Variants in LINGO1 observed in about 807,000 individuals in gnomAD.
LINGO1 encodes leucine rich repeat and Ig domain containing 1, also known as leucine-rich repeat and immunoglobulin-like domain-containing nogo receptor-interacting protein 1.
In LINGO1, 11 loss-of-function variants were observed where a neutral mutation model predicts 37.3. That is an observed-to-expected ratio of 0.29 (90% confidence interval 0.19 to 0.49). The LOEUF is 0.49. Among genes scored for constraint, LINGO1 ranks in the 20% least tolerant of loss-of-function variants. The pLI, the probability that LINGO1 is intolerant of heterozygous loss-of-function variation, is 0.99. For synonymous variants in LINGO1, 387 were observed against 403.0 expected (o/e 0.96, Z 0.48); for missense variants, 585 against 878.2 (o/e 0.67, Z 4.22).
chr15:77,675,916 G>C (rs2075319685), intron 3 of LINGO1, among the ~76,000 whole-genome samples: 1 of 152,132 alleles, frequency 6.6e-6, no homozygotes. Context: ...AGTGCTCTGG[G>C]TTCCAAGCTC....
At chr15:77,732,818 G>A (rs571306025) in intron 2 of LINGO1, among the ~76,000 whole-genome samples, 3 of 152,190 alleles carry the variant, frequency 2.0e-5, no homozygotes, top group Non-Finnish European at 4.4e-5. Context: ...CCCCCAGCAC[G>A]CATGTTCAGG....
intron 2 of LINGO1, among the ~76,000 whole-genome samples, chr15:77,707,181 G>GGA (rs765340782): frequency 1.3e-5 from 2 of 152,190 alleles, no homozygotes; most frequent in Non-Finnish European, 2.9e-5. Context: ...TGATGCTCCA[G>GGA]GAGAGAGAGA....
At chr15:77,664,130 AGTGTGTGTGTGTGTGTGTGTGTGTGT>A (rs774494605) in intron 3 of LINGO1, among the ~76,000 whole-genome samples, 1 of 130,372 alleles carries the variant, frequency 7.7e-6, no homozygotes, top group Non-Finnish European at 1.6e-5. Flanking sequence ...ACACAGGAGC[AGTGTGTGTGTGTGTGTGTGTGTGTGT>A]GTGTGTGTGT....
rs1166646129 is a variant in LINGO1 at position 77,632,846 on chromosome 15, C to CGCTCCGGCTCCCGCGCCG, written c.-549_-532dup. 6.7e-6 allele frequency among the ~76,000 whole-genome samples: 1 copy of CGCTCCGGCTCCCGCGCCG among 149,502 alleles called. No homozygotes were observed. Among genetic ancestry groups the CGCTCCGGCTCCCGCGCCG allele is most frequent in the Admixed American group, 6.6e-5 (1 of 15,038 alleles). On this transcript the variant is annotated 5_prime_UTR_variant, in exon 1 of 2. Coordinates refer to ENST00000355300, the MANE Select transcript of LINGO1 (RefSeq NM_032808.7). The surrounding 1 kb of genome is among the most constrained non-coding windows in gnomAD (Gnocchi z 6.0). ...GCCGCCTGCGCTGTCGCCCGCCGCC[C>CGCTCCGGCTCCCGCGCCG]GCTCCGGCTCCCGCGCCGGCTCCCG...
intron 1 of LINGO1, among the ~76,000 whole-genome samples, chr15:77,797,598 C>T (rs1287135560): frequency 1.3e-5 from 2 of 152,240 alleles, no homozygotes; most frequent in Non-Finnish European, 2.9e-5. Context: ...AAGCTGGCAT[C>T]GAACCAGCAC....
At chr15:77,712,881 A>G in intron 2 of LINGO1, among the ~76,000 whole-genome samples, 1 of 152,166 alleles carries the variant, frequency 6.6e-6, no homozygotes, top group Non-Finnish European at 1.5e-5. Context: ...ATCCTCAGGA[A>G]TTCAGCTCCC....
chr15:77,778,896 C>T (rs2076687649), intron 1 of LINGO1, among the ~76,000 whole-genome samples: 1 of 152,184 alleles, frequency 6.6e-6, no homozygotes, highest in South Asian at 2.1e-4. Context: ...AGCCAAAGCC[C>T]TGAGAGCGAT....
In LINGO1 at chr15:77,640,733, A is replaced by G. The variant is rs1048958735; in HGVS notation, c.-12-24833T>C. ...GAGGAGTCCAGAGGAGGTGGAGCAA[A>G]CAGGAGAGGCTTCCTGGGGGAGGAG... On this transcript the variant is annotated intron_variant, in intron 3 of 3. Transcript: ENST00000559893. Among the ~76,000 whole-genome samples the G allele has an allele frequency of 3.3e-5, 5 of 152,170 alleles. No homozygotes were observed. In the East Asian group the frequency reaches 9.7e-4, roughly 29 times the overall value.
chr15:77,656,281 C>T (rs1301564525), intron 3 of LINGO1, among the ~76,000 whole-genome samples: 1 of 152,146 alleles, frequency 6.6e-6, no homozygotes, highest in Non-Finnish European at 1.5e-5. Flanking sequence ...CCCTTGCAGC[C>T]CCAGACAGCT....
Position 77,614,193 on chromosome 15 carries a change from C to T in LINGO1, c.1714G>A (p.Val572Ile). 2 of 1,613,964 alleles carry T rather than the reference C, an allele frequency of 1.2e-6. No homozygotes were observed. Among genetic ancestry groups the T allele is most frequent in the Non-Finnish European group, 1.7e-6 (2 of 1,179,876 alleles). The change falls in exon 2 of 2, where the codon GTC (valine) becomes ATC (isoleucine). Residue 572 changes from valine (V) to isoleucine (I), a missense_variant. By Grantham distance (29) the Val-to-Ile change is conservative (BLOSUM62 3). This residue lies in a region of LINGO1 where 2 missense variants were observed against 24.2 expected (regional missense o/e 0.08). Coordinates refer to ENST00000355300, the MANE Select transcript of LINGO1 (RefSeq NM_032808.7). ...TMGFISFLGV[V>I]LFCLVLLFLW... Reference sequence around the variant, plus strand: ...AACAGCAGCACCAGGCAGAAGAGGACGACGCCCAGGAAAGAGATGAAGCCC... The same window carrying T: ...AACAGCAGCACCAGGCAGAAGAGGATGACGCCCAGGAAAGAGATGAAGCCC...
intron 3 of LINGO1, among the ~76,000 whole-genome samples, chr15:77,663,808 G>A (rs2075052065): frequency 6.6e-6 from 1 of 152,230 alleles, no homozygotes. Flanking sequence ...GAGAGCCTCT[G>A]TCACCCTCCA....
intron 1 of LINGO1, among the ~76,000 whole-genome samples, chr15:77,780,361 T>G (rs192172079): frequency 1.5e-3 from 233 of 151,932 alleles, no homozygotes; most frequent in African/African-American, 5.4e-3. Flanking sequence ...AGCCTAGGCA[T>G]GGGGAGAGGC....
At chr15:77,700,378 G>T (rs72746411), upstream of LINGO1, among the ~76,000 whole-genome samples, 25,588 of 152,254 alleles carry the variant, frequency 0.17, 2,324 homozygotes, top group Admixed American at 0.22. Flanking sequence ...TCAACTGTGT[G>T]GGCCTCACCT....
At chr15:77,729,419 C>T (rs1596163822) in intron 2 of LINGO1, among the ~76,000 whole-genome samples, 1 of 152,244 alleles carries the variant, frequency 6.6e-6, no homozygotes, top group African/African-American at 2.4e-5. Context: ...GCAGACCCAG[C>T]TTAACCCTTG....
At chr15:77,820,480 G>A (rs1214027834), upstream of LINGO1, 3 of 152,424 alleles carry the variant, frequency 2.0e-5, no homozygotes, top group African/African-American at 7.2e-5. Context: ...GGTGTGCGGC[G>A]GTGTAGGCTG....
rs199820052 is a variant in LINGO1, at chr15:77,794,586, A to T, written c.-343+1353T>A. ...TACACACACACATATATATATATATATATATTTTTTTTTTTTTTTGAGACG... is the reference window on the plus strand; with the variant it reads ...TACACACACACATATATATATATATTTATATTTTTTTTTTTTTTTGAGACG... On this transcript the variant is annotated intron_variant, in intron 2 of 5. Transcript: ENST00000562933. 2.3e-3 allele frequency among the ~76,000 whole-genome samples: 58 copies of T among 25,382 alleles called. 4 individuals carry two copies. Among genetic ancestry groups the T allele is most frequent in the African/African-American group, 4.7e-3 (55 of 11,826 alleles). 16.7% of individuals were successfully genotyped at this position (25,382 alleles called of 152,430 possible).
At chr15:77,717,019 G>C (rs1428596198) in intron 2 of LINGO1, among the ~76,000 whole-genome samples, 1 of 150,496 alleles carries the variant, frequency 6.6e-6, no homozygotes, top group Non-Finnish European at 1.5e-5. Flanking sequence ...AAACAGGAGA[G>C]AGGAGAGAGA....
At chr15:77,711,708 T>C (rs777906455) in intron 2 of LINGO1, among the ~76,000 whole-genome samples, 1 of 152,202 alleles carries the variant, frequency 6.6e-6, no homozygotes, top group Non-Finnish European at 1.5e-5. Flanking sequence ...ATTTCACAAA[T>C]GAAGAAAGGC....
intron 3 of LINGO1, among the ~76,000 whole-genome samples, chr15:77,640,983 C>G (rs904808955): frequency 6.6e-6 from 1 of 152,206 alleles, no homozygotes; most frequent in Admixed American, 6.5e-5. Flanking sequence ...GCTGCACACA[C>G]ACAGCAGGCA....
Sources: allele counts gnomAD v4.1 joint callset (sites outside exome capture counted in the v4.1 genomes callset), GRCh38; gene constraint gnomAD v4.1.1; regional missense constraint gnomAD v4.1.1; non-coding constraint Gnocchi (gnomAD v3.1); transcripts MANE v1.5; gene names NCBI Gene and HGNC (gene_info 2026-07-23, HGNC 2026-07-21).